IL1RAP: variants seen among roughly 807,000 people sequenced by gnomAD.
The protein encoded by IL1RAP is interleukin-1 receptor accessory protein.
IL1RAP carries 35 observed loss-of-function variants against 60.7 expected under a neutral mutation model. The observed-to-expected ratio is 0.58, with a 90% CI of 0.44 to 0.76. The LOEUF is 0.76. Among genes scored for constraint, IL1RAP ranks in the 30% least tolerant of loss-of-function variants. IL1RAP has a pLI of 0.00. For missense variants in IL1RAP, 572 were observed against 693.9 expected (o/e 0.82, Z 1.97); for synonymous variants, 268 against 250.9 (o/e 1.07, Z -0.64).
intron 3 of IL1RAP, among the ~76,000 whole-genome samples, chr3:190,581,924 A>G (rs528535555): frequency 6.6e-6 from 1 of 152,326 alleles, no homozygotes; most frequent in African/African-American, 2.4e-5. Context: ...TGACTCACAG[A>G]TGGCACCAAT....
intron 5 of IL1RAP, among the ~76,000 whole-genome samples, chr3:190,619,466 CCTGTAATGCTAA>C (rs1439130533): frequency 6.6e-6 from 1 of 152,090 alleles, no homozygotes. Flanking sequence ...GTGGCTCATG[CCTGTAATGCTAA>C]CACTTTGGGA....
rs1167445179 is a variant in IL1RAP, at chr3:190,634,707, G to GTTTTTTTTTTTTTTTTTTT, written c.1051+5220_1051+5221insTTTTTTTTTTTTTTTTTTT. On this transcript the variant is annotated intron_variant, in intron 9 of 11. Coordinates refer to ENST00000447382, the MANE Select transcript of IL1RAP (RefSeq NM_002182.4). The stretch of plus-strand genomic sequence containing the variant: ...TCATATAACTATCTGGGCCTGTTGT[G>GTTTTTTTTTTTTTTTTTTT]TTTTTTTTTTTGTTGTTGTTTTTTT... Among the ~76,000 whole-genome samples, 18 of 134,692 alleles carry GTTTTTTTTTTTTTTTTTTT rather than the reference G, an allele frequency of 1.3e-4. 2 individuals are homozygous for GTTTTTTTTTTTTTTTTTTT. The highest frequency in any genetic ancestry group is 5.0e-4 in the African/African-American group (17 of 33,682). 88.4% of individuals were successfully genotyped at this position (134,692 alleles called of 152,430 possible).
At chr3:190,545,307 C>T (rs906280299) in intron 1 of IL1RAP, among the ~76,000 whole-genome samples, 2 of 152,282 alleles carry the variant, frequency 1.3e-5, no homozygotes, top group African/African-American at 4.8e-5. Context: ...AAGTACCCTG[C>T]TGTAATTCAC....
intron 1 of IL1RAP, among the ~76,000 whole-genome samples, chr3:190,533,930 G>A (rs1471468712): frequency 1.3e-5 from 2 of 152,060 alleles, no homozygotes; most frequent in Non-Finnish European, 2.9e-5. Context: ...TTGCAGGCCA[G>A]GAGGTCAGGA....
At chr3:190,606,763 T>C (rs1730362417) in intron 4 of IL1RAP, among the ~76,000 whole-genome samples, 1 of 152,168 alleles carries the variant, frequency 6.6e-6, no homozygotes, top group South Asian at 2.1e-4. Context: ...AGGTTTCCTG[T>C]TTTACTGAGG....
chr3:190,631,441 A>G (rs1009046346), intron 9 of IL1RAP, among the ~76,000 whole-genome samples: 3 of 152,144 alleles, frequency 2.0e-5, no homozygotes, highest in African/African-American at 7.2e-5. Flanking sequence ...CCTCTAGACT[A>G]GATGATCTGT....
intron 5 of IL1RAP, among the ~76,000 whole-genome samples, chr3:190,619,195 AT>A (rs1413194522): frequency 3.3e-5 from 5 of 152,126 alleles, no homozygotes; most frequent in Admixed American, 6.5e-5. Flanking sequence ...TAGTGTATTG[AT>A]TTTTTTTCTC....
At chr3:190,626,420 G>C (rs1281114756) in intron 7 of IL1RAP, among the ~76,000 whole-genome samples, 1 of 152,086 alleles carries the variant, frequency 6.6e-6, no homozygotes, top group Non-Finnish European at 1.5e-5. Flanking sequence ...TTCCATCTCA[G>C]AGGGATAGCA....
chr3:190,600,107 T>G (rs1729729854), intron 3 of IL1RAP, among the ~76,000 whole-genome samples: 1 of 152,190 alleles, frequency 6.6e-6, no homozygotes, highest in African/African-American at 2.4e-5. Flanking sequence ...AAGAAGTGAT[T>G]AAGAAGCTGA....
exon 12 of IL1RAP, chr3:190,657,356 G>A (rs1265856700): frequency 2.6e-5 from 4 of 152,168 alleles, no homozygotes; most frequent in African/African-American, 9.7e-5. Context: ...GATATGTAAT[G>A]GGAGAGATGT....
At chr3:190,635,695 A>G (rs1733164190) in intron 9 of IL1RAP, among the ~76,000 whole-genome samples, 1 of 152,184 alleles carries the variant, frequency 6.6e-6, no homozygotes, top group Non-Finnish European at 1.5e-5. Flanking sequence ...AATTCATTTG[A>G]ATTTTAGAGT....
intron 1 of IL1RAP, among the ~76,000 whole-genome samples, chr3:190,534,930 A>AAAG (rs1723311271): frequency 6.7e-6 from 1 of 149,076 alleles, no homozygotes. Flanking sequence ...AAAAAAAAAA[A>AAAG]AAAAGAAAAC....
In IL1RAP at chr3:190,645,739, T is replaced by A; in HGVS notation, c.1242T>A (p.Asn414Lys). ...EYDIYVSYAR[N>K]AEEEEFVLLT... ...ATATTTATGTATCCTATGCAAGGAA[T>A]GCGGAAGAAGAAGAATTTGTATTAC... The change falls in exon 11 of 12, where the codon AAT (asparagine) becomes AAA (lysine). Residue 414 changes from asparagine (N) to lysine (K), a missense_variant. Asn to Lys is a moderately conservative substitution (Grantham distance 94). Coordinates refer to ENST00000447382, the MANE Select transcript of IL1RAP (RefSeq NM_002182.4). 6.2e-7 allele frequency: 1 copy of A among 1,612,756 alleles called. No individual in the cohort carries two copies. Among genetic ancestry groups the A allele is most frequent in the Non-Finnish European group, 8.5e-7 (1 of 1,178,754 alleles).
At chr3:190,592,966 T>A (rs1480655080) in intron 3 of IL1RAP, among the ~76,000 whole-genome samples, 1 of 152,194 alleles carries the variant, frequency 6.6e-6, no homozygotes, top group African/African-American at 2.4e-5. Context: ...GCAGTGTAAA[T>A]ACCTGGTGCC....
intron 1 of IL1RAP, among the ~76,000 whole-genome samples, chr3:190,547,236 A>G (rs1030028291): frequency 9.2e-5 from 14 of 152,180 alleles, no homozygotes; most frequent in African/African-American, 3.1e-4. Flanking sequence ...CTTTATTTTC[A>G]ATAAAGTCAC....
At chr3:190,606,948 T>C (rs1730379661) in intron 4 of IL1RAP, among the ~76,000 whole-genome samples, 1 of 152,196 alleles carries the variant, frequency 6.6e-6, no homozygotes, top group Non-Finnish European at 1.5e-5. Flanking sequence ...CTTCATATTT[T>C]TTAAAATCAG....
exon 12 of IL1RAP, chr3:190,657,104 C>G (rs1734642563): frequency 6.6e-6 from 1 of 152,528 alleles, no homozygotes; most frequent in African/African-American, 2.4e-5. Context: ...ACATACCCAC[C>G]CAGGGATACA....
chr3:190,645,808 G>A lies in IL1RAP; in HGVS notation c.1311G>A (p.Leu437=). 6.2e-7 allele frequency: 1 copy of A among 1,613,668 alleles called. No individual in the cohort carries two copies. The highest frequency in any genetic ancestry group is 1.1e-5 in the South Asian group (1 of 91,030). Residue 437 remains leucine, a synonymous_variant, in exon 11 of 12, where the codon CTG becomes CTA. Transcript: ENST00000447382. The part of the protein sequence containing the change: ...GVLENEFGYK[L]CIFDRDSLPG... ...TGGAGAATGAATTTGGATACAAGCT[G>A]TGCATCTTTGACCGAGACAGTCTGC... is the stretch of plus-strand genomic sequence containing the variant.
intron 3 of IL1RAP, among the ~76,000 whole-genome samples, chr3:190,596,026 CAGAGA>C (rs1231425912): frequency 1.3e-5 from 2 of 152,170 alleles, no homozygotes; most frequent in Admixed American, 6.5e-5. Flanking sequence ...GGTGTACATG[CAGAGA>C]CTAGTTTAAG....
Sources: gnomAD v4.1 joint callset for allele counts (sites outside exome capture counted in the v4.1 genomes callset) on GRCh38, gnomAD v4.1.1 for gene constraint, MANE v1.5 for transcripts, NCBI Gene and HGNC (gene_info 2026-07-23, HGNC 2026-07-21) for gene names.